Variants in SPX observed in about 807,000 individuals in gnomAD.
The protein encoded by SPX is spexin.
SPX carries 22 observed loss-of-function variants against 19.2 expected under a neutral mutation model. The observed-to-expected ratio is 1.15, with a 90% confidence interval of 0.82 to 1.64. SPX has a LOEUF of 1.64. Ranked by LOEUF, SPX falls within the 40% of genes most tolerant of loss-of-function variation. The pLI is 0.00. For synonymous variants in SPX, 50 were observed against 53.3 expected, an observed-to-expected ratio of 0.94 and a Z score of 0.27; for missense variants, 143 against 137.7, an observed-to-expected ratio of 1.04 and a Z score of -0.19.
rs377486662 is a variant in SPX, at chr12:21,529,085, G to A, written c.292+1G>A. 10 of 1,612,634 alleles carry A rather than the reference G, an allele frequency of 6.2e-6. No homozygotes were observed. Among genetic ancestry groups the A allele is most frequent in the African/African-American group, 5.3e-5 (4 of 74,894 alleles). ...GCGTCCCTTCAGAAATCACCAGAAG[G>A]TACTAGCATAGTGGCCTCTTTCACC... On this transcript the variant is annotated splice_donor_variant, in intron 5 of 5. Coordinates refer to ENST00000256969, the MANE Select transcript of SPX (RefSeq NM_030572.4). LOFTEE classifies it high-confidence loss of function.
At chr12:21,530,084 A>G (rs977638801) in intron 5 of SPX, among the ~76,000 whole-genome samples, 5 of 152,210 alleles carry the variant, frequency 3.3e-5, no homozygotes, top group African/African-American at 1.2e-4. Flanking sequence ...TGGAAAATAA[A>G]TATGTATTTT....
chr12:21,528,031 G>C (rs1475554904), intron 4 of SPX: 2 of 521,426 alleles, frequency 3.8e-6, no homozygotes, highest in African/African-American at 3.9e-5. Context: ...GGCAAGGGCG[G>C]CCCAGGCTGG....
intron 3 of SPX, chr12:21,527,515 C>G: frequency 1.6e-6 from 1 of 620,812 alleles, no homozygotes; most frequent in South Asian, 2.0e-5. Context: ...TCCGGTCAGG[C>G]GCGGGGCTTT....
At chr12:21,528,095 C>T (rs1436500297) in intron 4 of SPX, 3 of 377,884 alleles carry the variant, frequency 7.9e-6, no homozygotes, top group Admixed American at 4.2e-5. Flanking sequence ...AGCCCTCTGG[C>T]TGCCAGGGTG....
chr12:21,527,190 C>G lies in SPX; in HGVS notation c.143C>G (p.Ala48Gly). 2 of 1,613,466 alleles carry G rather than the reference C, an allele frequency of 1.2e-6. No homozygotes were observed. Among genetic ancestry groups the G allele is most frequent in the Non-Finnish European group, 1.7e-6 (2 of 1,179,492 alleles). Residue 48 changes from alanine (A) to glycine (G), a missense_variant and splice_region_variant, in exon 3 of 6, where the codon GCA (alanine) becomes GGA (glycine). Physicochemically the swap from Ala to Gly is moderately conservative, Grantham distance 60 (BLOSUM62 0). Coordinates refer to ENST00000256969, the MANE Select transcript of SPX (RefSeq NM_030572.4). ...TPQAMLYLKG[A>G]QGRRFISDQS... ...CAAGCTATGCTCTACCTGAAAGGGG[C>G]ACGTAAGTTCCAAATATTTCGCTCT...
In SPX at chr12:21,531,045, A is replaced by T; in HGVS notation, c.293-92A>T. ...AAGTTAACATAGCTTAGAAGGCTAA[A>T]TGTTTATTTCCTGAGATTCTCTTTG... On this transcript the variant is annotated intron_variant, in intron 5 of 5. Coordinates refer to ENST00000256969, the MANE Select transcript of SPX (RefSeq NM_030572.4). The T allele has an allele frequency of 3.7e-6, 3 of 802,462 alleles. No individual in the cohort carries two copies. In the South Asian group the frequency reaches 5.1e-5, roughly 14 times the overall value. 49.7% of individuals were successfully genotyped at this position (802,462 alleles called of 1,614,324 possible).
rs1006711071 is a variant in SPX at position 21,526,322 on chromosome 12, C to T, written c.-151C>T. 1.2e-5 allele frequency: 7 copies of T among 579,514 alleles called. No individual in the cohort carries two copies. In the Admixed American group the frequency reaches 2.2e-4, roughly 18 times the overall value. The allele number at this position is 579,514 out of a possible 1,614,324, so 35.9% of individuals were successfully genotyped here. On this transcript the variant is annotated 5_prime_UTR_variant, in exon 1 of 6. Coordinates refer to ENST00000256969, the MANE Select transcript of SPX (RefSeq NM_030572.4). ...TCAGATTCTCAATCTTGCTTGAAGA[C>T]TGACAAGATGTCCCTGTGGACTCCC...
intron 5 of SPX, among the ~76,000 whole-genome samples, chr12:21,530,314 GTTTT>G (rs1943852275): frequency 6.6e-6 from 1 of 152,034 alleles, no homozygotes; most frequent in Non-Finnish European, 1.5e-5. Context: ...TTCTGGTTTT[GTTTT>G]GTTTTGTTTT....
In SPX at chr12:21,529,000, G is replaced by T; in HGVS notation, c.209-1G>T. ...ATCTGTATACATTTTTGTTTCTGCA[G>T]AAAGACGAAGCCCAAATCCCCAACT... On this transcript the variant is annotated splice_acceptor_variant, in intron 4 of 5. Coordinates refer to ENST00000256969, the MANE Select transcript of SPX (RefSeq NM_030572.4). LOFTEE classifies it high-confidence loss of function. 1 of 1,613,734 alleles carries T rather than the reference G, an allele frequency of 6.2e-7. No homozygotes were observed. Among genetic ancestry groups the T allele is most frequent in the African/African-American group, 1.3e-5 (1 of 75,040 alleles).
At chr12:21,527,903 CGGCTCTGAGGCG>C (rs1357317897) in intron 4 of SPX, 114 bp downstream of exon 4, 1 of 1,279,482 alleles carries the variant, frequency 7.8e-7, no homozygotes, top group African/African-American at 1.6e-5. Context: ...CGGAAAGACG[CGGCTCTGAGGCG>C]CCCTCAGATA....
rs1943861520 is a variant in SPX at position 21,531,134 on chromosome 12, C to T, written c.293-3C>T. The T allele has an allele frequency of 3.9e-6, 6 of 1,557,198 alleles. No homozygotes were observed. The highest frequency in any genetic ancestry group is 2.3e-5 in the South Asian group (2 of 85,286). ...TATTTTAAAGAATTTTTTTTTCTTA[C>T]AGATGAAGAAAAAAACTTTGATCAA... On this transcript the variant is annotated splice_polypyrimidine_tract_variant and splice_region_variant and intron_variant, in intron 5 of 5. Coordinates refer to ENST00000256969, the MANE Select transcript of SPX (RefSeq NM_030572.4).
chr12:21,530,469 T>G lies in SPX; in HGVS notation c.293-668T>G, dbSNP rs79753520. 5.4e-3 allele frequency among the ~76,000 whole-genome samples: 825 copies of G among 152,320 alleles called. 7 individuals carry two copies. The highest frequency in any genetic ancestry group is 0.019 in the African/African-American group (789 of 41,568). The stretch of plus-strand genomic sequence containing the variant: ...AATGTGCTTTTATCTAGAGGTGATC[T>G]TAGAAGAAATTAGTAGATGCACTTT... On this transcript the variant is annotated intron_variant, in intron 5 of 5. Coordinates refer to ENST00000256969, the MANE Select transcript of SPX (RefSeq NM_030572.4).
rs1003989750 is a variant in SPX, at chr12:21,527,427, C to G, written c.145+235C>G. On this transcript the variant is annotated intron_variant, in intron 3 of 5. Transcript: ENST00000256969. ...CATCCAAAACTGGAGGGTTGCTTCT[C>G]TTGGTCCAAATGGGGACTCGGGTTG... 3 of 605,298 alleles carry G rather than the reference C, an allele frequency of 5.0e-6. No homozygotes were observed. In the Admixed American group the frequency reaches 8.8e-5, roughly 18 times the overall value. The allele number at this position is 605,298 out of a possible 1,614,324, so 37.5% of individuals were successfully genotyped here. A position where few individuals can be genotyped will look rare whatever the true frequency, so the allele number is the denominator to read the frequency against.
chr12:21,531,042 TA>T, intron 5 of SPX, 94 bp from the exon 6 acceptor site: 1 of 790,528 alleles, frequency 1.3e-6, no homozygotes, highest in Non-Finnish European at 2.1e-6. Flanking sequence ...CTTAGAAGGC[TA>T]AATGTTTATT....
In SPX at chr12:21,526,957, C is replaced by T. The variant is rs1181011741; in HGVS notation, c.78C>T (p.Cys26=). The T allele has an allele frequency of 3.1e-6, 5 of 1,614,124 alleles. No individual in the cohort carries two copies. The highest frequency in any genetic ancestry group is 2.2e-5 in the East Asian group (1 of 44,886). The change falls in exon 2 of 6, where the codon TGC becomes TGT. Residue 26 remains cysteine (C), a synonymous_variant. Coordinates refer to ENST00000256969, the MANE Select transcript of SPX (RefSeq NM_030572.4). Reference sequence around the variant, plus strand: ...TTGTTTTCCTGGGAAACTCCAGCTGCGCTCCGCAGGTAATCAAATGCAAAA... The same window carrying T: ...TTGTTTTCCTGGGAAACTCCAGCTGTGCTCCGCAGGTAATCAAATGCAAAA... The part of the protein sequence containing the change: ...LVFVFLGNSS[C]APQRLLERRN...
At chr12:21,529,169 C>G in intron 5 of SPX, 85 bp downstream of exon 5, 1 of 1,333,322 alleles carries the variant, frequency 7.5e-7, no homozygotes, top group Admixed American at 1.8e-5. Flanking sequence ...AACACCCCTC[C>G]CCCAGAATTT....
rs185632027 is a variant in SPX at position 21,528,904 on chromosome 12, A to G, written c.209-97A>G. The G allele has an allele frequency of 1.0e-5, 11 of 1,103,150 alleles. No homozygotes were observed. In the African/African-American group the frequency reaches 1.4e-4, roughly 14 times the overall value. The allele number at this position is 1,103,150 out of a possible 1,614,324, so 68.3% of individuals were successfully genotyped here. A position where few individuals can be genotyped will look rare whatever the true frequency, so the allele number is the denominator to read the frequency against. On this transcript the variant is annotated intron_variant, in intron 4 of 5. Transcript: ENST00000256969. The stretch of plus-strand genomic sequence containing the variant: ...TTGTTGAGGGGTCAAAATCTATTTC[A>G]TAGAGGTTTTTCTAGTATTGCTGCA...
chr12:21,526,365 G>A lies in SPX; in HGVS notation c.-108G>A, dbSNP rs1943814817. ...GGACTCCCAAACTCTACTCCAGATGGGGAGGTGCCCTTAACACCAAGATTT... is the reference window on the plus strand; with the variant it reads ...GGACTCCCAAACTCTACTCCAGATGAGGAGGTGCCCTTAACACCAAGATTT... On this transcript the variant is annotated 5_prime_UTR_variant, in exon 1 of 6. An upstream open reading frame in the 5' UTR gains an earlier in-frame stop. Coordinates refer to ENST00000256969, the MANE Select transcript of SPX (RefSeq NM_030572.4). 1 of 1,027,726 alleles carries A rather than the reference G, an allele frequency of 9.7e-7. No individual in the cohort carries two copies. The allele number at this position is 1,027,726 out of a possible 1,614,324, so 63.7% of individuals were successfully genotyped here. A position where few individuals can be genotyped will look rare whatever the true frequency, so the allele number is the denominator to read the frequency against.
chr12:21,529,365 G>A (rs1459317138), intron 5 of SPX, among the ~76,000 whole-genome samples: 1 of 151,986 alleles, frequency 6.6e-6, no homozygotes, highest in African/African-American at 2.4e-5. Context: ...AGATATAGTG[G>A]GAAAAGGGAA....
Sources: gnomAD v4.1 joint callset for allele counts (sites outside exome capture counted in the v4.1 genomes callset) on GRCh38, gnomAD v4.1.1 for gene constraint, MANE v1.5 for transcripts, NCBI Gene and HGNC (gene_info 2026-07-23, HGNC 2026-07-21) for gene names.